The following AKAP13 variants were observed in gnomAD, a reference collection of about 807,000 sequenced individuals.
AKAP13 encodes A-kinase anchor protein 13.
AKAP13 carries 80 observed loss-of-function variants against 264.5 expected under a neutral mutation model. The observed-to-expected ratio is 0.30, with a 90% confidence interval of 0.25 to 0.36. The LOEUF is 0.36. Ranked by LOEUF, AKAP13 falls within the 10% of genes least tolerant of loss-of-function variation. The probability of loss-of-function intolerance (pLI) is 1.00; values close to 1 mark genes in which losing one functional copy is unlikely to be tolerated. For synonymous variants in AKAP13, 1,380 were observed against 1,250.2 expected (o/e 1.10, Z -2.19); for missense variants, 3,712 against 3,435.2 (o/e 1.08, Z -2.01).
intron 1 of AKAP13, among the ~76,000 whole-genome samples, chr15:85,389,092 T>C (rs903584371): frequency 6.6e-6 from 1 of 152,184 alleles, no homozygotes; most frequent in Non-Finnish European, 1.5e-5. Context: ...TTGGAGATCA[T>C]TTAGCTTACA....
intron 9 of AKAP13, among the ~76,000 whole-genome samples, chr15:85,640,021 G>C (rs1053433283): frequency 6.6e-6 from 1 of 152,146 alleles, no homozygotes; most frequent in Non-Finnish European, 1.5e-5. Context: ...TTGAGGGTAC[G>C]ATGCTCTTAA....
chr15:85,453,728 C>T (rs2074175856), intron 1 of AKAP13, among the ~76,000 whole-genome samples: 1 of 151,916 alleles, frequency 6.6e-6, no homozygotes, highest in Non-Finnish European at 1.5e-5. Context: ...AGCTGAGTCA[C>T]CCAAACAGCA....
chr15:85,592,115 T>C (rs985513231), intron 8 of AKAP13, among the ~76,000 whole-genome samples: 1 of 151,606 alleles, frequency 6.6e-6, no homozygotes, highest in African/African-American at 2.4e-5. Context: ...CCATTCTTAG[T>C]TATTTTTACA....
At chr15:85,411,283 A>G (rs140143511) in intron 1 of AKAP13, among the ~76,000 whole-genome samples, 92 of 152,342 alleles carry the variant, frequency 6.0e-4, no homozygotes, top group African/African-American at 1.8e-3. Flanking sequence ...TCTGTGATGA[A>G]GTAGTGAACA....
chr15:85,642,278 T>C (rs776694814), intron 9 of AKAP13, among the ~76,000 whole-genome samples: 7 of 152,244 alleles, frequency 4.6e-5, no homozygotes, highest in Admixed American at 1.3e-4. Flanking sequence ...GTCACTGTTA[T>C]GGAAATGGCA....
chr15:85,393,700 T>C (rs1412717389), intron 1 of AKAP13, among the ~76,000 whole-genome samples: 1 of 152,200 alleles, frequency 6.6e-6, no homozygotes, highest in African/African-American at 2.4e-5. Context: ...ATGAAAAAAC[T>C]AGGGTTTAGA....
In AKAP13 at chr15:85,579,772, G is replaced by A. The variant is rs755297450; in HGVS notation, c.1704G>A (p.Thr568=). ...EETSTEKTAE[T]ETSRSREESA... ...CCTCCACTGAAAAAACAGCAGAAAC[G>A]GAAACTTCACGAAGTCGTGAGGAGA... The change falls in exon 7 of 37, where the codon ACG becomes ACA. Residue 568 remains threonine (T), a synonymous_variant. Transcript: ENST00000394518. 14 of 1,614,196 alleles carry A rather than the reference G, an allele frequency of 8.7e-6. No individual in the cohort carries two copies. The highest frequency in any genetic ancestry group is 4.4e-5 in the South Asian group (4 of 91,082).
intron 12 of AKAP13, 78 bp downstream of exon 12, chr15:85,658,668 C>G (rs1394605194): frequency 7.8e-7 from 1 of 1,288,502 alleles, no homozygotes; most frequent in South Asian, 1.5e-5. Context: ...TCTGCTTAAT[C>G]CATGATTGGA....
At chr15:85,559,237 A>G (rs140622757) in intron 5 of AKAP13, among the ~76,000 whole-genome samples, 2 of 152,310 alleles carry the variant, frequency 1.3e-5, no homozygotes, top group African/African-American at 4.8e-5. Flanking sequence ...TAGTAAGCCA[A>G]TAACTGTCAT....
intron 19 of AKAP13, among the ~76,000 whole-genome samples, chr15:85,712,667 C>T (rs2086695460): frequency 1.3e-5 from 2 of 152,266 alleles, no homozygotes; most frequent in South Asian, 4.1e-4. Context: ...CCTCAGCCTC[C>T]CAAGTAGCTG....
intron 8 of AKAP13, among the ~76,000 whole-genome samples, chr15:85,636,603 T>G (rs966196768): frequency 6.5e-5 from 9 of 137,696 alleles, no homozygotes; most frequent in African/African-American, 2.5e-4. Flanking sequence ...GAATAGATGT[T>G]GAATTTTGCT....
At chr15:85,465,680 A>G (rs939351029) in intron 1 of AKAP13, among the ~76,000 whole-genome samples, 1 of 151,430 alleles carries the variant, frequency 6.6e-6, no homozygotes, top group Non-Finnish European at 1.5e-5. Flanking sequence ...AAGGACATGA[A>G]CTTATCATTT....
At chr15:85,696,856 G>A (rs1013663787) in intron 17 of AKAP13, among the ~76,000 whole-genome samples, 2 of 152,172 alleles carry the variant, frequency 1.3e-5, no homozygotes, top group Non-Finnish European at 2.9e-5. Flanking sequence ...TGAGACCCCT[G>A]TATAAGAAAT....
intron 17 of AKAP13, among the ~76,000 whole-genome samples, chr15:85,693,666 CAAGTT>C (rs1307882761): frequency 2.0e-5 from 3 of 152,170 alleles, no homozygotes; most frequent in African/African-American, 7.2e-5. Flanking sequence ...CAAATACAGT[CAAGTT>C]AAGATGGTTC....
chr15:85,531,938 A>G (rs1429529554), intron 3 of AKAP13, among the ~76,000 whole-genome samples: 1 of 152,218 alleles, frequency 6.6e-6, no homozygotes, highest in African/African-American at 2.4e-5. Context: ...GTTTATAGGC[A>G]ATGTGATACA....
rs891236316 is a variant in AKAP13 at position 85,748,808 on chromosome 15, C to T, written c.*4131C>T. 6.6e-6 allele frequency: 1 copy of T among 152,354 alleles called. No individual in the cohort carries two copies. The highest frequency in any genetic ancestry group is 2.4e-5 in the African/African-American group (1 of 41,480). 9.4% of individuals were successfully genotyped at this position (152,354 alleles called of 1,614,324 possible). On this transcript the variant is annotated 3_prime_UTR_variant, in exon 37 of 37. Coordinates refer to ENST00000394518, the MANE Select transcript of AKAP13 (RefSeq NM_007200.5). ...GTCCCCTGCCACCGAAGTGAGTGAC[C>T]TGCCCTACAACCAGGTGGGACCACC...
intron 16 of AKAP13, among the ~76,000 whole-genome samples, chr15:85,685,794 T>C (rs540583531): frequency 2.0e-5 from 3 of 152,290 alleles, no homozygotes; most frequent in African/African-American, 7.2e-5. Flanking sequence ...TAAAGTAACA[T>C]TTTTTATCTA....
At chr15:85,726,571 C>T in intron 27 of AKAP13, 85 bp downstream of exon 27, 7 of 1,161,224 alleles carry the variant, frequency 6.0e-6, no homozygotes, top group Admixed American at 2.2e-5. Flanking sequence ...TGCTCTCCCC[C>T]GCCCTCTTAA....
intron 3 of AKAP13, among the ~76,000 whole-genome samples, chr15:85,527,516 T>A: frequency 6.6e-6 from 1 of 152,202 alleles, no homozygotes; most frequent in East Asian, 1.9e-4. Context: ...CTTTGGGATA[T>A]GATAATGGAA....
Sources: gnomAD v4.1 joint callset for allele counts (sites outside exome capture counted in the v4.1 genomes callset) on GRCh38, gnomAD v4.1.1 for gene constraint, MANE v1.5 for transcripts, NCBI Gene and HGNC (gene_info 2026-07-23, HGNC 2026-07-21) for gene names.